The following RANBP17 variants were observed in gnomAD, a reference collection of about 807,000 sequenced individuals.
The protein encoded by RANBP17 is RAN binding protein 17.
RANBP17 carries 158 observed loss-of-function variants against 141.2 expected under a neutral mutation model. That is an observed-to-expected ratio of 1.12 (90% CI 0.98 to 1.28). The LOEUF (loss-of-function observed/expected upper bound fraction) is 1.28, where lower values mean the gene tolerates loss of function less well. Among genes scored for constraint, RANBP17 ranks in the 50% most tolerant of loss-of-function variants. The pLI is 0.00. For synonymous variants in RANBP17, 430 were observed against 450.0 expected (o/e 0.96, Z 0.56); for missense variants, 1,438 against 1,290.7 (o/e 1.11, Z -1.75).
rs1038868073 is a variant in RANBP17 at position 170,957,935 on chromosome 5, CTGTATTT to C, written c.1574+4235_1574+4241del. ...ACCAGAGGCTTGCAGGAACCTAATC[CTGTATTT>C]TACCTAGGAGCAATGGTTCATTATT... On this transcript the variant is annotated intron_variant, in intron 13 of 27. Coordinates refer to ENST00000523189, the MANE Select transcript of RANBP17 (RefSeq NM_022897.5). 4.6e-5 allele frequency among the ~76,000 whole-genome samples: 7 copies of C among 152,280 alleles called. No individual in the cohort carries two copies. The East Asian group carries it at 9.6e-4, about 21-fold the overall frequency.
intron 12 of RANBP17, among the ~76,000 whole-genome samples, chr5:170,941,821 A>T (rs148353713): frequency 1.1e-4 from 16 of 152,308 alleles, no homozygotes; most frequent in Middle Eastern, 3.4e-3. Context: ...TATAAAGTGG[A>T]ATCAGTTGGA....
At chr5:171,151,291 A>G (rs1758456452) in intron 14 of RANBP17, among the ~76,000 whole-genome samples, 1 of 152,236 alleles carries the variant, frequency 6.6e-6, no homozygotes, top group Non-Finnish European at 1.5e-5. Context: ...CAATATTATG[A>G]AAGAGTCAGG....
At chr5:171,259,788 C>A (rs1426563589) in intron 24 of RANBP17, among the ~76,000 whole-genome samples, 1 of 151,914 alleles carries the variant, frequency 6.6e-6, no homozygotes, top group Non-Finnish European at 1.5e-5. Context: ...TGAGACCAGC[C>A]TGGCCAACAT....
chr5:170,888,830 GT>G (rs1444951465), intron 3 of RANBP17, among the ~76,000 whole-genome samples: 2 of 152,046 alleles, frequency 1.3e-5, no homozygotes, highest in African/African-American at 4.8e-5. Context: ...TTAGCTGTAG[GT>G]TTTTTGTAGA....
chr5:170,863,265 A>C (rs539305335), intron 1 of RANBP17, among the ~76,000 whole-genome samples: 1 of 152,252 alleles, frequency 6.6e-6, no homozygotes, highest in East Asian at 1.9e-4. Context: ...GGACAAAGGG[A>C]TGGGATCAGG....
chr5:170,911,441 T>G, intron 7 of RANBP17: 1 of 624,578 alleles, frequency 1.6e-6, no homozygotes, highest in Non-Finnish European at 2.9e-6. Flanking sequence ...ATAAACAGAG[T>G]GGGACAGGAT....
chr5:170,919,137 AAAT>A (rs1424332095), intron 10 of RANBP17, among the ~76,000 whole-genome samples: 1 of 151,992 alleles, frequency 6.6e-6, no homozygotes, highest in Non-Finnish European at 1.5e-5. Flanking sequence ...AAAGTTTTTA[AAAT>A]AATTTTAAGG....
intron 14 of RANBP17, among the ~76,000 whole-genome samples, chr5:170,985,490 GA>G (rs541212501): frequency 7.9e-4 from 120 of 152,196 alleles, no homozygotes; most frequent in Non-Finnish European, 1.2e-3. Flanking sequence ...TTTAAATTTT[GA>G]AATAGACAAG....
rs888931947 is a variant in RANBP17 at position 171,240,990 on chromosome 5, G to A, written c.2485G>A (p.Gly829Ser). The part of the protein sequence containing the change: ...KDQIYPMKLK[G>S]ISICYSALKS... ...TCAGATTTATCCAATGAAACTCAAGGGCATCTCCATCTGCTATTCAGCTCT... is the reference window on the plus strand; with the variant it reads ...TCAGATTTATCCAATGAAACTCAAGAGCATCTCCATCTGCTATTCAGCTCT... Residue 829 changes from glycine to serine, a missense_variant, in exon 23 of 28, where the codon GGC (glycine) becomes AGC (serine). By Grantham distance (56) the Gly-to-Ser change is moderately conservative. Coordinates refer to ENST00000523189, the MANE Select transcript of RANBP17 (RefSeq NM_022897.5). 3.1e-6 allele frequency: 5 copies of A among 1,613,802 alleles called. No individual in the cohort carries two copies. The highest frequency in any genetic ancestry group is 4.2e-6 in the Non-Finnish European group (5 of 1,179,888).
rs1767410935 is a variant in RANBP17, at chr5:171,275,191, A to G, written c.2943+9344A>G. Among the ~76,000 whole-genome samples, 3 of 152,228 alleles carry G rather than the reference A, an allele frequency of 2.0e-5. 1 individual carries two copies. The highest frequency in any genetic ancestry group is 4.4e-5 in the Non-Finnish European group (3 of 68,044). On this transcript the variant is annotated intron_variant, in intron 25 of 27. Coordinates refer to ENST00000523189, the MANE Select transcript of RANBP17 (RefSeq NM_022897.5). The stretch of plus-strand genomic sequence containing the variant: ...AAGTCATTTATTTCAGCCAGTGACA[A>G]TACATTTAAACTCCTGTGCCTCAGC...
chr5:171,215,770 A>G (rs1763176271), intron 21 of RANBP17, among the ~76,000 whole-genome samples: 1 of 151,772 alleles, frequency 6.6e-6, no homozygotes, highest in African/African-American at 2.4e-5. Flanking sequence ...TTTTCTTGTA[A>G]ATTTGTTTAA....
chr5:171,193,804 C>T (rs1026834280), intron 18 of RANBP17, among the ~76,000 whole-genome samples: 3 of 152,196 alleles, frequency 2.0e-5, no homozygotes, highest in African/African-American at 7.2e-5. Context: ...ACATTGGACC[C>T]ACCTGGATAA....
At chr5:170,926,633 A>G (rs77104088) in intron 12 of RANBP17, among the ~76,000 whole-genome samples, 4,085 of 152,184 alleles carry the variant, frequency 0.027, 171 homozygotes, top group African/African-American at 0.093. Context: ...TCTTATTTTC[A>G]TATCAAACTT....
chr5:171,281,546 C>G (rs553157214), intron 25 of RANBP17, among the ~76,000 whole-genome samples: 1 of 152,212 alleles, frequency 6.6e-6, no homozygotes, highest in South Asian at 2.1e-4. Context: ...CCCTGAAGGC[C>G]GCAGAGACCA....
chr5:171,142,915 A>G (rs972496456), intron 14 of RANBP17, among the ~76,000 whole-genome samples: 5 of 152,226 alleles, frequency 3.3e-5, no homozygotes, highest in Admixed American at 2.0e-4. Flanking sequence ...TGAAAATTGA[A>G]TTATAGGCAT....
intron 22 of RANBP17, among the ~76,000 whole-genome samples, chr5:171,239,879 CT>C: frequency 6.6e-6 from 1 of 152,156 alleles, no homozygotes; most frequent in Non-Finnish European, 1.5e-5. Flanking sequence ...ACCTGTTACT[CT>C]TACCACCTCT....
chr5:171,100,742 T>C (rs1787095786), intron 14 of RANBP17, among the ~76,000 whole-genome samples: 1 of 152,242 alleles, frequency 6.6e-6, no homozygotes, highest in South Asian at 2.1e-4. Flanking sequence ...CATTTAGTGC[T>C]ATAAATTTCC....
At chr5:171,004,356 G>A (rs1168784241) in intron 14 of RANBP17, among the ~76,000 whole-genome samples, 5 of 152,118 alleles carry the variant, frequency 3.3e-5, no homozygotes. Context: ...CGGTTAAAAT[G>A]TCTCAGTCTA....
At position 170,950,271 on chromosome 5, in the gene RANBP17, C is replaced by G. The variant is rs191306818; in HGVS notation, c.1469-3326C>G. ...ATTAAGCTAAAAAGCCCCTTCACAG[C>G]AAAGGAAACAGTCAACAGAGTGAAG... On this transcript the variant is annotated intron_variant, in intron 12 of 27. Transcript: ENST00000523189. Among the ~76,000 whole-genome samples the G allele has an allele frequency of 1.3e-3, 199 of 151,632 alleles. 1 individual carries two copies. Among genetic ancestry groups the G allele is most frequent in the African/African-American group, 4.7e-3 (194 of 41,316 alleles).
Sources: gnomAD v4.1 joint callset for allele counts (sites outside exome capture counted in the v4.1 genomes callset) on GRCh38, gnomAD v4.1.1 for gene constraint, MANE v1.5 for transcripts, NCBI Gene and HGNC (gene_info 2026-07-23, HGNC 2026-07-21) for gene names.